LRP1B: variants seen among roughly 807,000 people sequenced by gnomAD.
LRP1B encodes the protein low-density lipoprotein receptor-related protein 1B.
Under a neutral mutation model 556.6 loss-of-function variants are expected in LRP1B, and 217 were observed. The observed-to-expected ratio is 0.39, with a 90% confidence interval of 0.35 to 0.44. LRP1B has a LOEUF of 0.44. Ranked by LOEUF, LRP1B falls within the 20% of genes least tolerant of loss-of-function variation. LRP1B has a pLI of 1.00. For missense variants in LRP1B, 5,053 were observed against 5,620.8 expected (o/e 0.90, Z 3.23); for synonymous variants, 2,047 against 1,865.8 (o/e 1.10, Z -2.50).
At chr2:141,123,068 G>C (rs1203934350) in intron 7 of LRP1B, among the ~76,000 whole-genome samples, 1 of 152,012 alleles carries the variant, frequency 6.6e-6, no homozygotes, top group Non-Finnish European at 1.5e-5. Context: ...TTGGACACAG[G>C]AAGGGGAACA....
chr2:141,198,892 A>G (rs1402994117), intron 6 of LRP1B, among the ~76,000 whole-genome samples: 1 of 152,094 alleles, frequency 6.6e-6, no homozygotes, highest in Non-Finnish European at 1.5e-5. Context: ...CTATCAATAA[A>G]TCTTAAAGCC....
chr2:141,288,950 C>T (rs1685833922), intron 3 of LRP1B, among the ~76,000 whole-genome samples: 1 of 152,162 alleles, frequency 6.6e-6, no homozygotes, highest in Non-Finnish European at 1.5e-5. Context: ...ATCCAAACTA[C>T]TTGTACCTTG....
chr2:141,481,812 G>T (rs189579037), intron 2 of LRP1B, among the ~76,000 whole-genome samples: 1 of 152,242 alleles, frequency 6.6e-6, no homozygotes, highest in African/African-American at 2.4e-5. Context: ...CTATTTCACA[G>T]GGTTGTGGTG....
rs1681654953 is a variant in LRP1B, at chr2:140,579,082, A to C, written c.7194+19549T>G. On this transcript the variant is annotated intron_variant, in intron 43 of 90. Coordinates refer to ENST00000389484, the MANE Select transcript of LRP1B (RefSeq NM_018557.3). ...AAAGAAAGAAAAAAAGAGGAAAGGG[A>C]GCAAAGGAGAAGGGGAGAAATCTTA... Among the ~76,000 whole-genome samples the C allele has an allele frequency of 2.6e-5, 4 of 152,274 alleles. No individual in the cohort carries two copies. The South Asian group carries it at 6.2e-4, about 24-fold the overall frequency.
chr2:142,068,307 T>A (rs1046882919), intron 1 of LRP1B, among the ~76,000 whole-genome samples: 1 of 151,530 alleles, frequency 6.6e-6, no homozygotes, highest in Non-Finnish European at 1.5e-5. Flanking sequence ...TTTGTCTAAT[T>A]GTGAATTTTA....
chr2:141,953,647 C>G (rs905486886), intron 1 of LRP1B, among the ~76,000 whole-genome samples: 1 of 152,016 alleles, frequency 6.6e-6, no homozygotes, highest in Non-Finnish European at 1.5e-5. Context: ...GTTTGAGAAT[C>G]ATACATAGGG....
rs67960557 is a variant in LRP1B, at chr2:141,492,091, A to AAAAAAAAAAAAAAAAAC, written c.206-11559_206-11558insGTTTTTTTTTTTTTTTT. Among the ~76,000 whole-genome samples, 19 of 100,188 alleles carry AAAAAAAAAAAAAAAAAC rather than the reference A, an allele frequency of 1.9e-4. 2 individuals carry two copies. The highest frequency in any genetic ancestry group is 7.0e-4 in the African/African-American group (18 of 25,894). 65.7% of individuals were successfully genotyped at this position (100,188 alleles called of 152,430 possible). A position where few individuals can be genotyped will look rare whatever the true frequency, so the allele number is the denominator to read the frequency against. Reference sequence around the variant, plus strand: ...TATTTAGCTTTCTGAAAAAAAAAAAACACTAAGAAAACCAACATTTGATGA... The same window carrying AAAAAAAAAAAAAAAAAC: ...TATTTAGCTTTCTGAAAAAAAAAAAAAAAAAAAAAAAAAAAACCACTAAGAAAACCAACATTTGATGA... On this transcript the variant is annotated intron_variant, in intron 2 of 90. Coordinates refer to ENST00000389484, the MANE Select transcript of LRP1B (RefSeq NM_018557.3).
At chr2:141,230,367 C>G (rs1040673555) in intron 5 of LRP1B, among the ~76,000 whole-genome samples, 1 of 152,154 alleles carries the variant, frequency 6.6e-6, no homozygotes, top group African/African-American at 2.4e-5. Context: ...GCCATGATCA[C>G]TCATCTAGAT....
At chr2:141,038,823 T>C (rs527622744) in intron 11 of LRP1B, among the ~76,000 whole-genome samples, 8 of 152,252 alleles carry the variant, frequency 5.3e-5, no homozygotes, top group South Asian at 4.1e-4. Context: ...AATTCCATAA[T>C]GCTAAGTATG....
intron 43 of LRP1B, among the ~76,000 whole-genome samples, chr2:140,546,128 G>A (rs1377708303): frequency 2.6e-5 from 4 of 151,666 alleles, no homozygotes; most frequent in Non-Finnish European, 5.9e-5. Context: ...GTGTACATTG[G>A]TTTTTGTATC....
chr2:140,272,383 T>C (rs557490853), intron 85 of LRP1B, among the ~76,000 whole-genome samples: 5 of 151,928 alleles, frequency 3.3e-5, no homozygotes, highest in African/African-American at 4.8e-5. Context: ...CAAAAAGACA[T>C]AATTTAGGTT....
At chr2:141,835,257 A>T (rs768252391) in intron 1 of LRP1B, among the ~76,000 whole-genome samples, 2 of 151,998 alleles carry the variant, frequency 1.3e-5, no homozygotes, top group Non-Finnish European at 2.9e-5. Flanking sequence ...CTCATCTTTT[A>T]TAGGTCCAGG....
chr2:140,715,963 T>A lies in LRP1B; in HGVS notation c.6023+10A>T. 6.4e-7 allele frequency: 1 copy of A among 1,559,650 alleles called. No individual in the cohort carries two copies. On this transcript the variant is annotated intron_variant, in intron 37 of 90. Coordinates refer to ENST00000389484, the MANE Select transcript of LRP1B (RefSeq NM_018557.3). ...AAAACTTGGAAGATATACGTAAATC[T>A]TAAAATTACCCTTTCTCTGGGTGCA...
At chr2:140,995,968 G>T (rs759997943) in intron 15 of LRP1B, among the ~76,000 whole-genome samples, 1 of 151,914 alleles carries the variant, frequency 6.6e-6, no homozygotes, top group Admixed American at 6.6e-5. Flanking sequence ...ACTGTAAAAG[G>T]GTAGAGGGGG....
chr2:141,911,753 T>C (rs980561228), intron 1 of LRP1B, among the ~76,000 whole-genome samples: 2 of 152,164 alleles, frequency 1.3e-5, no homozygotes, highest in African/African-American at 4.8e-5. Flanking sequence ...CTGGGCATTT[T>C]CTTTACTTCC....
intron 1 of LRP1B, among the ~76,000 whole-genome samples, chr2:142,127,656 A>G (rs955150658): frequency 6.6e-6 from 1 of 152,040 alleles, no homozygotes; most frequent in African/African-American, 2.4e-5. Context: ...ATGAAGAGAC[A>G]TAAATCGCAG....
intron 35 of LRP1B, among the ~76,000 whole-genome samples, chr2:140,759,027 T>A (rs1424930647): frequency 6.6e-6 from 1 of 152,106 alleles, no homozygotes; most frequent in Non-Finnish European, 1.5e-5. Context: ...CAGCAAAATA[T>A]AATCCCTCTT....
chr2:141,305,541 G>C (rs946236671), intron 3 of LRP1B, among the ~76,000 whole-genome samples: 2 of 152,074 alleles, frequency 1.3e-5, no homozygotes, highest in African/African-American at 4.8e-5. Context: ...CAGCAAAGAG[G>C]GAGAATTTGA....
intron 83 of LRP1B, among the ~76,000 whole-genome samples, chr2:140,299,594 G>A (rs907794282): frequency 6.6e-6 from 1 of 152,006 alleles, no homozygotes; most frequent in Non-Finnish European, 1.5e-5. Context: ...TTTTCTAGTT[G>A]TTGTTGATAT....
Sources: allele counts gnomAD v4.1 joint callset (sites outside exome capture counted in the v4.1 genomes callset), GRCh38; gene constraint gnomAD v4.1.1; transcripts MANE v1.5; gene names NCBI Gene and HGNC (gene_info 2026-07-23, HGNC 2026-07-21).